The following ADCY2 variants were observed in gnomAD, a reference collection of about 807,000 sequenced individuals.
ADCY2 encodes the protein adenylate cyclase 2.
Under a neutral mutation model 125.2 loss-of-function variants are expected in ADCY2, and 31 were observed. That is an observed-to-expected ratio of 0.25 (90% CI 0.19 to 0.33). The LOEUF is 0.33. Among genes scored for constraint, ADCY2 ranks in the 10% least tolerant of loss-of-function variants. The pLI, the probability that ADCY2 is intolerant of heterozygous loss-of-function variation, is 1.00. For missense variants in ADCY2, 904 were observed against 1,418.2 expected (o/e 0.64, Z 5.82); for synonymous variants, 512 against 548.4 (o/e 0.93, Z 0.93).
At chr5:7,613,742 A>G (rs531569015) in intron 3 of ADCY2, among the ~76,000 whole-genome samples, 4 of 152,298 alleles carry the variant, frequency 2.6e-5, no homozygotes, top group South Asian at 2.1e-4. Flanking sequence ...TAATCACACA[A>G]TTGTTCGTGC....
Position 7,828,631 on chromosome 5 carries a change from T to G in ADCY2, c.*1760T>G, listed in dbSNP as rs563848329. The G allele has an allele frequency of 6.6e-6, 1 of 152,496 alleles. No individual in the cohort carries two copies. Among genetic ancestry groups the G allele is most frequent in the Admixed American group, 6.5e-5 (1 of 15,312 alleles). 9.4% of individuals were successfully genotyped at this position (152,496 alleles called of 1,614,324 possible). A position where few individuals can be genotyped will look rare whatever the true frequency, so the allele number is the denominator to read the frequency against. ...GCCTCAATGGGGAATTTTTTGATCC[T>G]GTAATCACAACTCAGCATTGGCCTT... On this transcript the variant is annotated 3_prime_UTR_variant, in exon 25 of 25. Transcript: ENST00000338316.
At chr5:7,824,111 ATAG>A (rs561121376) in intron 24 of ADCY2, among the ~76,000 whole-genome samples, 39 of 152,294 alleles carry the variant, frequency 2.6e-4, no homozygotes, top group African/African-American at 9.4e-4. Context: ...TGTGCAAAAA[ATAG>A]TAGTGAGATG....
At chr5:7,500,954 A>G (rs1336309573) in intron 2 of ADCY2, among the ~76,000 whole-genome samples, 3 of 152,188 alleles carry the variant, frequency 2.0e-5, no homozygotes, top group Admixed American at 2.0e-4. Flanking sequence ...AGCTTCATCA[A>G]CAGGGAGAGC....
intron 2 of ADCY2, among the ~76,000 whole-genome samples, chr5:7,443,185 A>G (rs1190810357): frequency 6.8e-6 from 1 of 147,068 alleles, no homozygotes; most frequent in Admixed American, 6.7e-5. Context: ...TTTTTAGGAG[A>G]CAGAACTAGA....
At chr5:7,573,970 C>T (rs1386848856) in intron 3 of ADCY2, among the ~76,000 whole-genome samples, 1 of 112,350 alleles carries the variant, frequency 8.9e-6, no homozygotes, top group Non-Finnish European at 1.8e-5. Flanking sequence ...TCCATGTGAT[C>T]TCATTGTTCA....
chr5:7,488,469 T>C (rs1743027430), intron 2 of ADCY2, among the ~76,000 whole-genome samples: 2 of 152,306 alleles, frequency 1.3e-5, no homozygotes, highest in African/African-American at 4.8e-5. Flanking sequence ...CTCTGTCTTG[T>C]GGGGAATTCC....
At chr5:7,699,070 C>CAGTAA (rs1740988964) in intron 7 of ADCY2, among the ~76,000 whole-genome samples, 1 of 112,568 alleles carries the variant, frequency 8.9e-6, no homozygotes, top group Non-Finnish European at 1.7e-5. Flanking sequence ...AGTCAGGAAA[C>CAGTAA]AACAGTAAGC....
chr5:7,711,331 A>G (rs1374164269), intron 10 of ADCY2, among the ~76,000 whole-genome samples: 1 of 152,194 alleles, frequency 6.6e-6, no homozygotes, highest in Non-Finnish European at 1.5e-5. Flanking sequence ...TCACTCATGA[A>G]AAACAGTAAT....
chr5:7,767,560 A>G (rs982100344), intron 17 of ADCY2, among the ~76,000 whole-genome samples: 4 of 152,222 alleles, frequency 2.6e-5, no homozygotes, highest in African/African-American at 9.6e-5. Context: ...TGGTAATTTA[A>G]TATGTACGCT....
intron 2 of ADCY2, among the ~76,000 whole-genome samples, chr5:7,434,120 C>G (rs893785226): frequency 1.3e-5 from 2 of 152,078 alleles, no homozygotes; most frequent in African/African-American, 4.8e-5. Context: ...AGAATGATGA[C>G]AAATAAATGC....
chr5:7,817,061 C>T, intron 23 of ADCY2, 81 bp downstream of exon 23: 1 of 1,066,980 alleles, frequency 9.4e-7, no homozygotes, highest in Non-Finnish European at 1.4e-6. Flanking sequence ...ATTGATGATC[C>T]TTTCAGTGTT....
chr5:7,456,254 T>G (rs1399122570), intron 2 of ADCY2, among the ~76,000 whole-genome samples: 1 of 152,162 alleles, frequency 6.6e-6, no homozygotes, highest in African/African-American at 2.4e-5. Context: ...GATTATGAAT[T>G]TGGTATTGAT....
intron 22 of ADCY2, among the ~76,000 whole-genome samples, chr5:7,806,501 A>T (rs79287829): frequency 0.06 from 9,103 of 152,200 alleles, 920 homozygotes; most frequent in African/African-American, 0.21. Flanking sequence ...AAGGCTGGGA[A>T]ATTCAGGACT....
chr5:7,505,989 CT>C (rs969821415), intron 2 of ADCY2, among the ~76,000 whole-genome samples: 20 of 148,080 alleles, frequency 1.4e-4, no homozygotes, highest in East Asian at 5.9e-4. Context: ...AAGACCTTAC[CT>C]TTTTTTTTTC....
At chr5:7,741,169 A>G (rs1742395540) in intron 14 of ADCY2, among the ~76,000 whole-genome samples, 1 of 152,126 alleles carries the variant, frequency 6.6e-6, no homozygotes, top group African/African-American at 2.4e-5. Flanking sequence ...TTCTAGGAAA[A>G]TCATCAAAAT....
intron 3 of ADCY2, among the ~76,000 whole-genome samples, chr5:7,580,956 GCTCTAA>G (rs1336264140): frequency 1.3e-5 from 2 of 152,206 alleles, no homozygotes; most frequent in African/African-American, 4.8e-5. Flanking sequence ...TTAGACCACA[GCTCTAA>G]CTCTAAGTGA....
At chr5:7,410,734 TA>T in intron 1 of ADCY2, among the ~76,000 whole-genome samples, 1 of 152,350 alleles carries the variant, frequency 6.6e-6, no homozygotes, top group South Asian at 2.1e-4. Context: ...CATTATATGA[TA>T]TTTTTTTCCA....
intron 3 of ADCY2, among the ~76,000 whole-genome samples, chr5:7,533,023 ATG>A (rs1225078669): frequency 6.7e-6 from 1 of 149,814 alleles, no homozygotes; most frequent in African/African-American, 2.4e-5. Flanking sequence ...ATACATATAT[ATG>A]TATATATGTA....
At chr5:7,707,989 G>C in intron 9 of ADCY2, 151 bp downstream of exon 9, 1 of 804,600 alleles carries the variant, frequency 1.2e-6, no homozygotes, top group Non-Finnish European at 1.9e-6. Context: ...AATTACAGAA[G>C]ATGTTTTGTA....
Sources: allele counts gnomAD v4.1 joint callset (sites outside exome capture counted in the v4.1 genomes callset), GRCh38; gene constraint gnomAD v4.1.1; transcripts MANE v1.5; gene names NCBI Gene and HGNC (gene_info 2026-07-23, HGNC 2026-07-21).